LRRC4C: variants seen among roughly 807,000 people sequenced by gnomAD.
The protein encoded by LRRC4C is leucine-rich repeat-containing protein 4C.
A neutral mutation model predicts 33.6 loss-of-function variants in LRRC4C; 5 were observed. That is an observed-to-expected ratio of 0.15 (90% CI 0.08 to 0.31). The LOEUF (loss-of-function observed/expected upper bound fraction) is 0.31, where lower values mean the gene tolerates loss of function less well. Among genes scored for constraint, LRRC4C ranks in the 10% least tolerant of loss-of-function variants. The pLI is 1.00. For synonymous variants in LRRC4C, 329 were observed against 302.0 expected (o/e 1.09, Z -0.93); for missense variants, 560 against 796.7 (o/e 0.70, Z 3.58).
At chr11:41,066,454 A>C (rs1938246741) in intron 1 of LRRC4C, among the ~76,000 whole-genome samples, 1 of 152,198 alleles carries the variant, frequency 6.6e-6, no homozygotes, top group African/African-American at 2.4e-5. Context: ...GAGTACCTGC[A>C]AGAGATGGGG....
At chr11:40,464,984 C>A (rs892922776) in intron 3 of LRRC4C, among the ~76,000 whole-genome samples, 3 of 151,706 alleles carry the variant, frequency 2.0e-5, no homozygotes, top group Non-Finnish European at 4.4e-5. Flanking sequence ...AATATGGAAC[C>A]AAAAAAGCAC....
At chr11:40,962,784 G>T (rs750468780) in intron 1 of LRRC4C, among the ~76,000 whole-genome samples, 4 of 151,572 alleles carry the variant, frequency 2.6e-5, no homozygotes, top group Non-Finnish European at 4.4e-5. Flanking sequence ...TTTAAAAGTT[G>T]CCATAAACTT....
At chr11:41,059,550 C>T (rs926557291) in intron 1 of LRRC4C, among the ~76,000 whole-genome samples, 8 of 152,054 alleles carry the variant, frequency 5.3e-5, no homozygotes, top group African/African-American at 1.9e-4. Flanking sequence ...GGAGTTTCTT[C>T]TTCTTTTTAT....
At chr11:40,553,583 A>G (rs978295400) in intron 3 of LRRC4C, among the ~76,000 whole-genome samples, 7 of 152,142 alleles carry the variant, frequency 4.6e-5, no homozygotes, top group Admixed American at 3.9e-4. Context: ...GAATGGTAAT[A>G]TCAGTTATTT....
At chr11:40,220,241 C>A (rs1319120832) in intron 5 of LRRC4C, among the ~76,000 whole-genome samples, 1 of 152,106 alleles carries the variant, frequency 6.6e-6, no homozygotes, top group Non-Finnish European at 1.5e-5. Context: ...TAACATATGT[C>A]AAGATTTATG....
At chr11:40,134,003 G>A (rs1277289261) in intron 6 of LRRC4C, among the ~76,000 whole-genome samples, 1 of 152,098 alleles carries the variant, frequency 6.6e-6, no homozygotes, top group Non-Finnish European at 1.5e-5. Flanking sequence ...TAATGCAGCA[G>A]AAAATCCTAG....
intron 1 of LRRC4C, among the ~76,000 whole-genome samples, chr11:40,970,783 T>A (rs988513257): frequency 1.3e-5 from 2 of 152,104 alleles, no homozygotes; most frequent in African/African-American, 4.8e-5. Flanking sequence ...TGGACCCAGA[T>A]GGAAATGAGG....
intron 1 of LRRC4C, among the ~76,000 whole-genome samples, chr11:41,079,265 C>G (rs1486839678): frequency 1.3e-5 from 2 of 152,046 alleles, no homozygotes; most frequent in African/African-American, 4.8e-5. Context: ...AGAAGTTGTT[C>G]TGAAGTTGGT....
intron 1 of LRRC4C, among the ~76,000 whole-genome samples, chr11:41,259,390 T>C (rs1302014307): frequency 1.3e-5 from 2 of 152,074 alleles, no homozygotes; most frequent in African/African-American, 4.8e-5. Flanking sequence ...TTACATTCCC[T>C]ATAGATTTTG....
At chr11:41,132,619 C>CAT (rs1943067835) in intron 1 of LRRC4C, among the ~76,000 whole-genome samples, 1 of 152,064 alleles carries the variant, frequency 6.6e-6, no homozygotes, top group Non-Finnish European at 1.5e-5. Context: ...GAAATTAAAA[C>CAT]ACAAATGTTA....
chr11:41,430,460 C>G (rs7122735), intron 1 of LRRC4C, among the ~76,000 whole-genome samples: 86,997 of 151,888 alleles, frequency 0.57, 25,433 homozygotes, highest in African/African-American at 0.6. Flanking sequence ...GTGCCAGTTC[C>G]TAGACAACTA....
chr11:40,143,771 T>C (rs1857533879), intron 5 of LRRC4C, among the ~76,000 whole-genome samples: 1 of 152,156 alleles, frequency 6.6e-6, no homozygotes, highest in Admixed American at 6.6e-5. Flanking sequence ...ATCTCAAAAC[T>C]AGAGATAACA....
At chr11:40,195,615 C>T (rs1256479823) in intron 5 of LRRC4C, among the ~76,000 whole-genome samples, 1 of 151,736 alleles carries the variant, frequency 6.6e-6, no homozygotes, top group African/African-American at 2.4e-5. Context: ...AAAAAATCAC[C>T]TCTTCATGGG....
At chr11:40,241,712 A>G (rs1485431594) in intron 4 of LRRC4C, 114 bp from the exon 5 acceptor site, 1 of 152,202 alleles carries the variant, frequency 6.6e-6, no homozygotes, top group African/African-American at 2.4e-5. Context: ...TCCAAAAGCA[A>G]CACACAAGAA....
chr11:41,450,719 TTACAAGGCTCTC>T (rs1353116990), intron 1 of LRRC4C, among the ~76,000 whole-genome samples: 1 of 152,176 alleles, frequency 6.6e-6, no homozygotes, highest in Non-Finnish European at 1.5e-5. Flanking sequence ...TTGTGGGTTT[TTACAAGGCTCTC>T]TACGGGGCTC....
chr11:41,035,410 G>A (rs1857004718), intron 1 of LRRC4C, among the ~76,000 whole-genome samples: 1 of 151,940 alleles, frequency 6.6e-6, no homozygotes, highest in South Asian at 2.1e-4. Flanking sequence ...GCCCCAATGT[G>A]TGTTGTTTCC....
chr11:40,811,330 C>T (rs1204133818), intron 2 of LRRC4C, among the ~76,000 whole-genome samples: 2 of 152,026 alleles, frequency 1.3e-5, no homozygotes, highest in East Asian at 3.9e-4. Context: ...TTGATTGTAC[C>T]TCAAGCTTAT....
chr11:41,174,082 A>G (rs1477248831), intron 1 of LRRC4C, among the ~76,000 whole-genome samples: 3 of 152,092 alleles, frequency 2.0e-5, no homozygotes, highest in Non-Finnish European at 4.4e-5. Flanking sequence ...CAATGAAATC[A>G]TATTGCCTAT....
intron 2 of LRRC4C, among the ~76,000 whole-genome samples, chr11:40,800,937 T>C (rs1356098054): frequency 1.3e-5 from 2 of 152,176 alleles, no homozygotes; most frequent in East Asian, 3.9e-4. Context: ...ATCATAATCT[T>C]GTTCCTTAAA....
Sources: gnomAD v4.1 joint callset for allele counts (sites outside exome capture counted in the v4.1 genomes callset) on GRCh38, gnomAD v4.1.1 for gene constraint, MANE v1.5 for transcripts, NCBI Gene and HGNC (gene_info 2026-07-23, HGNC 2026-07-21) for gene names.